The following TBXAS1 variants were observed in gnomAD, a reference collection of about 807,000 sequenced individuals.
TBXAS1 encodes the protein thromboxane-A synthase.
In TBXAS1, 48 loss-of-function variants were observed where a neutral mutation model predicts 60.7. That is an observed-to-expected ratio of 0.79 (90% CI 0.63 to 1.01). TBXAS1 has a LOEUF of 1.01. Ranked by LOEUF, TBXAS1 falls within the 50% of genes least tolerant of loss-of-function variation. The probability of loss-of-function intolerance (pLI) is 0.00; values close to 1 mark genes in which losing one functional copy is unlikely to be tolerated. For missense variants in TBXAS1, 685 were observed against 686.3 expected (o/e 1.00, Z 0.02); for synonymous variants, 287 against 269.7 (o/e 1.06, Z -0.63).
intron 10 of TBXAS1, among the ~76,000 whole-genome samples, chr7:140,014,297 AAGG>A (rs1287445937): frequency 6.6e-6 from 1 of 152,160 alleles, no homozygotes; most frequent in Non-Finnish European, 1.5e-5. Context: ...TGGGAAACAG[AAGG>A]AGGAGAAGAT....
rs117673053 is a variant in TBXAS1, at chr7:139,977,803, G to A, written c.1134+15570G>A. 7.2e-3 allele frequency among the ~76,000 whole-genome samples: 1,089 copies of A among 152,252 alleles called. 5 individuals carry two copies. The highest frequency in any genetic ancestry group is 0.011 in the Non-Finnish European group (761 of 68,022). On this transcript the variant is annotated intron_variant, in intron 9 of 12. Coordinates refer to ENST00000448866, the MANE Select transcript of TBXAS1 (RefSeq NM_001061.7). ...GGTTATCAGCACCACCACCACCATC[G>A]TAACAGTAAACATTTATGGAGCGCC... is the stretch of plus-strand genomic sequence containing the variant.
intron 12 of TBXAS1, 29 bp from the exon 13 acceptor site, chr7:140,019,996 G>A (rs1569525775): frequency 1.9e-6 from 3 of 1,602,220 alleles, no homozygotes; most frequent in Non-Finnish European, 2.6e-6. Flanking sequence ...CTATCTCTTT[G>A]ACAAATATTT....
At chr7:139,891,245 ATATT>A (rs1803587783) in intron 3 of TBXAS1, among the ~76,000 whole-genome samples, 1 of 149,564 alleles carries the variant, frequency 6.7e-6, no homozygotes, top group Non-Finnish European at 1.5e-5. Flanking sequence ...TAATATATAT[ATATT>A]TATTTATTTA....
intron 9 of TBXAS1, among the ~76,000 whole-genome samples, chr7:139,970,397 G>T (rs1351879762): frequency 6.6e-6 from 1 of 152,204 alleles, no homozygotes; most frequent in Admixed American, 6.5e-5. Context: ...GTGAGCCACC[G>T]TGCCCGGCCA....
intron 10 of TBXAS1, among the ~76,000 whole-genome samples, chr7:140,012,647 C>T (rs569601175): frequency 1.3e-4 from 20 of 152,088 alleles, no homozygotes; most frequent in East Asian, 1.9e-4. Flanking sequence ...TTAGTAGAGA[C>T]GGGGTTTCAC....
At chr7:139,823,165 C>T (rs138228298) in intron 4 of TBXAS1, among the ~76,000 whole-genome samples, 118 of 151,812 alleles carry the variant, frequency 7.8e-4, no homozygotes, top group Non-Finnish European at 1.5e-3. Context: ...AACCTTTTGC[C>T]GATCTCCTGT....
chr7:139,929,432 G>T lies in TBXAS1; in HGVS notation c.334-6759G>T, dbSNP rs184195818. Among the ~76,000 whole-genome samples, 19 of 152,218 alleles carry T rather than the reference G, an allele frequency of 1.2e-4. No homozygotes were observed. In the East Asian group the frequency reaches 1.4e-3, roughly 11 times the overall value. ...TAGTGATGGAGTGGGTGGTTTCGTG[G>T]GAAAAATGGCTATGACAGAGCATGT... On this transcript the variant is annotated intron_variant, in intron 4 of 12. Transcript: ENST00000448866.
chr7:139,829,143 T>G (rs1370606696), upstream of TBXAS1: 1 of 631,408 alleles, frequency 1.6e-6, no homozygotes, highest in Admixed American at 2.1e-5. Context: ...TTATTGACAG[T>G]GCAGTCATCA....
intron 3 of TBXAS1, among the ~76,000 whole-genome samples, chr7:139,878,961 A>G (rs78580829): frequency 0.015 from 2,325 of 152,274 alleles, 34 homozygotes; most frequent in African/African-American, 0.033. Flanking sequence ...AGAAAAATGG[A>G]CAGGGCAAAT....
At chr7:139,991,447 C>G (rs891551315) in intron 9 of TBXAS1, among the ~76,000 whole-genome samples, 1 of 152,032 alleles carries the variant, frequency 6.6e-6, no homozygotes, top group Non-Finnish European at 1.5e-5. Context: ...CAGAACAATG[C>G]TCTGTACACA....
intron 1 of TBXAS1, among the ~76,000 whole-genome samples, chr7:139,863,144 G>A (rs1182357502): frequency 6.6e-6 from 1 of 152,170 alleles, no homozygotes. Flanking sequence ...ACTAAGCATA[G>A]TGCCTGAGAC....
At chr7:139,901,045 T>C (rs1804525973) in intron 3 of TBXAS1, among the ~76,000 whole-genome samples, 2 of 152,170 alleles carry the variant, frequency 1.3e-5, no homozygotes, top group Non-Finnish European at 2.9e-5. Flanking sequence ...GGGTGGTTCC[T>C]CAAGATGTAG....
intron 9 of TBXAS1, among the ~76,000 whole-genome samples, chr7:139,989,212 G>A (rs1285673231): frequency 6.6e-6 from 1 of 152,188 alleles, no homozygotes; most frequent in African/African-American, 2.4e-5. Context: ...TCATTGGCCT[G>A]GGGACAGTTT....
intron 5 of TBXAS1, among the ~76,000 whole-genome samples, chr7:139,943,746 T>G (rs1808471752): frequency 1.3e-5 from 2 of 152,212 alleles, no homozygotes; most frequent in African/African-American, 4.8e-5. Context: ...TCGTGGATGT[T>G]TTTAATATCT....
At chr7:139,860,305 G>C (rs770544885) in intron 1 of TBXAS1, among the ~76,000 whole-genome samples, 2 of 152,070 alleles carry the variant, frequency 1.3e-5, no homozygotes, top group Admixed American at 1.3e-4. Context: ...GTTCAGTTCT[G>C]TAGAAACAGG....
At chr7:139,871,961 G>A (rs556847017) in intron 1 of TBXAS1, among the ~76,000 whole-genome samples, 1 of 152,286 alleles carries the variant, frequency 6.6e-6, no homozygotes, top group South Asian at 2.1e-4. Context: ...AGGTCAGAGA[G>A]GGGCAGTTGG....
At chr7:139,805,759 CTTTCTTTCTTTCTTCTT>C in intron 4 of TBXAS1, among the ~76,000 whole-genome samples, 1 of 127,844 alleles carries the variant, frequency 7.8e-6, no homozygotes, top group African/African-American at 2.9e-5. Context: ...TCTTTCTTGT[CTTTCTTTCTTTCTTCTT>C]TTTTTTTTTT....
chr7:139,824,421 T>C (rs1227196435), upstream of TBXAS1, among the ~76,000 whole-genome samples: 1 of 152,206 alleles, frequency 6.6e-6, no homozygotes, highest in African/African-American at 2.4e-5. Context: ...GATAGCCTCA[T>C]GCAAGGGCAC....
chr7:139,997,913 G>C (rs1346216847), intron 9 of TBXAS1, among the ~76,000 whole-genome samples: 1 of 152,160 alleles, frequency 6.6e-6, no homozygotes, highest in Non-Finnish European at 1.5e-5. Context: ...TTCACCAAAA[G>C]CCATAAACAA....
Sources: gnomAD v4.1 joint callset for allele counts (sites outside exome capture counted in the v4.1 genomes callset) on GRCh38, gnomAD v4.1.1 for gene constraint, MANE v1.5 for transcripts, NCBI Gene and HGNC (gene_info 2026-07-23, HGNC 2026-07-21) for gene names.